Variants in ST3GAL6 observed in about 807,000 individuals in gnomAD.
ST3GAL6 encodes the protein ST3 beta-galactoside alpha-2,3-sialyltransferase 6, also known as type 2 lactosamine alpha-2,3-sialyltransferase.
In ST3GAL6, 31 loss-of-function variants were observed where a neutral mutation model predicts 40.5. The ratio of observed to expected loss-of-function variants is 0.77; its 90% CI spans 0.58 to 1.03. The LOEUF is 1.03. Ranked by LOEUF, ST3GAL6 falls within the 50% of genes least tolerant of loss-of-function variation. ST3GAL6 has a pLI of 0.00. For synonymous variants in ST3GAL6, 129 were observed against 136.9 expected, an observed-to-expected ratio of 0.94 and a Z score of 0.40; for missense variants, 357 against 393.2, an observed-to-expected ratio of 0.91 and a Z score of 0.78.
chr3:98,771,135 A>T, intron 3 of ST3GAL6, 179 bp downstream of exon 3: 2 of 1,507,740 alleles, frequency 1.3e-6, no homozygotes, highest in Non-Finnish European at 1.8e-6. Flanking sequence ...AGCTCTGCAT[A>T]TATTTTAAGA....
At chr3:98,771,041 A>C in intron 3 of ST3GAL6, 85 bp downstream of exon 3, 2 of 1,539,926 alleles carry the variant, frequency 1.3e-6, no homozygotes, top group Middle Eastern at 1.7e-4. Context: ...TATTTTTTTA[A>C]TGCAAATCTT....
At chr3:98,756,635 G>A in intron 1 of ST3GAL6, 1 of 1,025,098 alleles carries the variant, frequency 9.8e-7, no homozygotes, top group South Asian at 2.1e-5. Context: ...TGTGGGTGAT[G>A]TTAAAATCCC....
chr3:98,793,572 C>A, intron 9 of ST3GAL6, 103 bp from the exon 10 acceptor site: 1 of 640,868 alleles, frequency 1.6e-6, no homozygotes, highest in Middle Eastern at 3.0e-4. Context: ...ACTTAACATT[C>A]GAGTTCTTTA....
At chr3:98,786,315 G>A (rs2107324377) in intron 6 of ST3GAL6, among the ~76,000 whole-genome samples, 2 of 152,304 alleles carry the variant, frequency 1.3e-5, no homozygotes, top group Admixed American at 1.3e-4. Flanking sequence ...TAAAAGAGAT[G>A]AAGAGGATCC....
At chr3:98,772,954 G>T in intron 4 of ST3GAL6, 38 bp downstream of exon 4, 1 of 1,359,196 alleles carries the variant, frequency 7.4e-7, no homozygotes, top group South Asian at 1.2e-5. Context: ...TGTTAAATTT[G>T]AGTGGTGTTT....
At chr3:98,780,318 A>G (rs1443710706) in intron 5 of ST3GAL6, among the ~76,000 whole-genome samples, 1 of 152,214 alleles carries the variant, frequency 6.6e-6, no homozygotes, top group Non-Finnish European at 1.5e-5. Flanking sequence ...AAGAGTTTCT[A>G]TGTGATTTTC....
intron 6 of ST3GAL6, 62 bp downstream of exon 6, chr3:98,785,102 A>G: frequency 8.6e-7 from 1 of 1,164,436 alleles, no homozygotes; most frequent in Non-Finnish European, 1.3e-6. Flanking sequence ...TTCTTGCCTT[A>G]ATACAGCTGT....
chr3:98,768,647 T>G, intron 2 of ST3GAL6, 118 bp downstream of exon 2: 2 of 747,596 alleles, frequency 2.7e-6, no homozygotes, highest in Non-Finnish European at 4.5e-6. Flanking sequence ...TTTTCTTGCT[T>G]TCCATTGTAA....
intron 1 of ST3GAL6, among the ~76,000 whole-genome samples, chr3:98,735,162 T>G (rs1355758891): frequency 1.3e-5 from 2 of 152,236 alleles, no homozygotes; most frequent in Admixed American, 6.5e-5. Context: ...AAAGGAATTT[T>G]TAGCCCCATT....
chr3:98,744,123 A>C (rs1001352120), intron 1 of ST3GAL6, among the ~76,000 whole-genome samples: 2 of 152,212 alleles, frequency 1.3e-5, no homozygotes, highest in African/African-American at 4.8e-5. Context: ...CCACAAGCCA[A>C]GGAATGCCCA....
At chr3:98,741,986 A>T (rs1265260294) in intron 1 of ST3GAL6, among the ~76,000 whole-genome samples, 1 of 152,176 alleles carries the variant, frequency 6.6e-6, no homozygotes, top group Non-Finnish European at 1.5e-5. Context: ...AGTCAAGAGG[A>T]TCACTACAAA....
intron 1 of ST3GAL6, among the ~76,000 whole-genome samples, chr3:98,737,383 T>TCA (rs1935645789): frequency 1.3e-5 from 2 of 152,276 alleles, no homozygotes; most frequent in South Asian, 2.1e-4. Context: ...TTTCTCTCTC[T>TCA]CACACACATA....
In ST3GAL6 at chr3:98,737,947, C is replaced by T. The variant is rs559148463; in HGVS notation, c.-12+5415C>T. On this transcript the variant is annotated intron_variant, in intron 1 of 9. Coordinates refer to the ST3GAL6 transcript ENST00000265261. ...CCCAAATCTCATATTCAATTGTAATCCTCAGTGTTGGAGGTGGGGCCTGAT... is the reference window on the plus strand; with the variant it reads ...CCCAAATCTCATATTCAATTGTAATTCTCAGTGTTGGAGGTGGGGCCTGAT... Among the ~76,000 whole-genome samples, 6 of 152,220 alleles carry T rather than the reference C, an allele frequency of 3.9e-5. No homozygotes were observed. The South Asian group carries it at 8.3e-4, about 21-fold the overall frequency.
chr3:98,734,601 A>T (rs1467391510), intron 1 of ST3GAL6, among the ~76,000 whole-genome samples: 1 of 152,184 alleles, frequency 6.6e-6, no homozygotes, highest in East Asian at 1.9e-4. Context: ...TGTTGTTTAC[A>T]TGGTGCAGTA....
At chr3:98,738,213 C>T (rs1935734381) in intron 1 of ST3GAL6, among the ~76,000 whole-genome samples, 1 of 151,822 alleles carries the variant, frequency 6.6e-6, no homozygotes, top group African/African-American at 2.4e-5. Context: ...TCCGTACAGC[C>T]TGAAGAACCG....
In ST3GAL6 at chr3:98,756,504, C is replaced by T; in HGVS notation, c.-11-11926C>T. On this transcript the variant is annotated intron_variant, in intron 1 of 9. Coordinates refer to the ST3GAL6 transcript ENST00000265261. ...TTCGCAAATTCTCCACCTTTGCGAA[C>T]AGAGGGTCTTTAGGACACAGATTCT... 5 of 1,286,046 alleles carry T rather than the reference C, an allele frequency of 3.9e-6. No individual in the cohort carries two copies. In the South Asian group the frequency reaches 5.0e-5, roughly 13 times the overall value. 79.7% of individuals were successfully genotyped at this position (1,286,046 alleles called of 1,614,324 possible).
intron 1 of ST3GAL6, among the ~76,000 whole-genome samples, chr3:98,743,356 C>T (rs1289392249): frequency 2.6e-5 from 4 of 151,906 alleles, no homozygotes; most frequent in African/African-American, 9.7e-5. Flanking sequence ...ATTACTTCAG[C>T]ATTTCCAGTT....
intron 1 of ST3GAL6, among the ~76,000 whole-genome samples, chr3:98,752,434 T>C (rs1283236522): frequency 6.6e-6 from 1 of 151,834 alleles, no homozygotes; most frequent in Non-Finnish European, 1.5e-5. Flanking sequence ...GATCTTTTTA[T>C]AAAATATATA....
intron 1 of ST3GAL6, among the ~76,000 whole-genome samples, chr3:98,755,887 C>T (rs1466736424): frequency 1.3e-5 from 2 of 150,762 alleles, no homozygotes; most frequent in African/African-American, 4.9e-5. Context: ...ACTTCTTTTT[C>T]CCTCACTTTC....
Sources: allele counts gnomAD v4.1 joint callset (sites outside exome capture counted in the v4.1 genomes callset), GRCh38; gene constraint gnomAD v4.1.1; transcripts MANE v1.5; gene names NCBI Gene and HGNC (gene_info 2026-07-23, HGNC 2026-07-21).